PLA2G6: variants seen among roughly 807,000 people sequenced by gnomAD.
PLA2G6 encodes the protein phospholipase A2 group VI, also known as 85/88 kDa calcium-independent phospholipase A2.
PLA2G6 carries 62 observed loss-of-function variants against 83.8 expected under a neutral mutation model. That is an observed-to-expected ratio of 0.74 (90% CI 0.60 to 0.91). The LOEUF (loss-of-function observed/expected upper bound fraction) is 0.91, where lower values mean the gene tolerates loss of function less well. PLA2G6 is among the 40% of genes least tolerant of loss of function. PLA2G6 has a pLI of 0.00. For missense variants in PLA2G6, 944 were observed against 1,102.0 expected, an observed-to-expected ratio of 0.86 and a Z score of 2.03; for synonymous variants, 417 against 449.8, an observed-to-expected ratio of 0.93 and a Z score of 0.92.
chr22:38,173,209 G>GC (rs1310012380), intron 1 of PLA2G6, among the ~76,000 whole-genome samples: 1 of 151,986 alleles, frequency 6.6e-6, no homozygotes, highest in African/African-American at 2.4e-5. Flanking sequence ...GTGGATGAGG[G>GC]CCCCCCGCAT....
chr22:38,178,691 C>T (rs1284837367), intron 1 of PLA2G6, among the ~76,000 whole-genome samples: 1 of 152,142 alleles, frequency 6.6e-6, no homozygotes, highest in African/African-American at 2.4e-5. Flanking sequence ...ATAGTGAAAC[C>T]CCATCTCTAC....
intron 2 of PLA2G6, among the ~76,000 whole-genome samples, chr22:38,158,142 T>C (rs575742009): frequency 2.6e-5 from 4 of 152,058 alleles, no homozygotes; most frequent in Non-Finnish European, 4.4e-5. Context: ...TGCATCATCA[T>C]TGGGTCAAGA....
At chr22:38,171,325 T>A (rs132998) in intron 1 of PLA2G6, among the ~76,000 whole-genome samples, 1 of 152,060 alleles carries the variant, frequency 6.6e-6, no homozygotes, top group African/African-American at 2.4e-5. Context: ...AATCCAAGCT[T>A]GGTTCTCGTG....
intron 12 of PLA2G6, among the ~76,000 whole-genome samples, chr22:38,117,408 T>C (rs11570747): frequency 0.33 from 50,049 of 151,684 alleles, 8,723 homozygotes; most frequent in South Asian, 0.43. Flanking sequence ...GGGGTTTCAC[T>C]GTGGTCTTGA....
At chr22:38,134,903 C>T in intron 6 of PLA2G6, 85 bp downstream of exon 6, 1 of 936,118 alleles carries the variant, frequency 1.1e-6, no homozygotes, top group South Asian at 1.4e-5. Flanking sequence ...CCTCAGGGTC[C>T]TCTCGGGAAC....
intron 7 of PLA2G6, chr22:38,131,070 G>A (rs540014218): frequency 2.0e-5 from 3 of 152,348 alleles, no homozygotes; most frequent in African/African-American, 7.2e-5. Context: ...GGTGGTTGAT[G>A]AATATGCCAA....
intron 2 of PLA2G6, among the ~76,000 whole-genome samples, chr22:38,154,039 G>A (rs1364886327): frequency 1.3e-5 from 2 of 152,236 alleles, no homozygotes; most frequent in African/African-American, 4.8e-5. Flanking sequence ...GAGCAGGAAG[G>A]ACTTTGCCTT....
chr22:38,138,505 GCCTTCTCACTGCTTGT>G (rs1299194785), intron 5 of PLA2G6: 1 of 152,246 alleles, frequency 6.6e-6, no homozygotes, highest in African/African-American at 2.4e-5. Flanking sequence ...GCCCGTCCAT[GCCTTCTCACTGCTTGT>G]CTGGCACTGC....
intron 5 of PLA2G6, chr22:38,137,553 GC>G (rs2088633581): frequency 6.6e-6 from 1 of 152,290 alleles, no homozygotes; most frequent in Non-Finnish European, 1.5e-5. Context: ...AGCAGAGGTG[GC>G]CAGGCGCGGT....
Position 38,112,025 on chromosome 22 carries a change from T to C in PLA2G6, c.*136A>G. ...CAGGACCAGCCTCGGGCAGGCAGCTTGGCATTCTCCCAGGCCTGGTCTATG... is the reference window on the plus strand; with the variant it reads ...CAGGACCAGCCTCGGGCAGGCAGCTCGGCATTCTCCCAGGCCTGGTCTATG... On this transcript the variant is annotated 3_prime_UTR_variant, in exon 17 of 17. Coordinates refer to ENST00000332509, the MANE Select transcript of PLA2G6 (RefSeq NM_003560.4). 9.8e-7 allele frequency: 1 copy of C among 1,018,040 alleles called. No individual in the cohort carries two copies. Among genetic ancestry groups the C allele is most frequent in the South Asian group, 1.4e-5 (1 of 72,258 alleles). The allele number at this position is 1,018,040 out of a possible 1,614,324, so 63.1% of individuals were successfully genotyped here.
intron 2 of PLA2G6, chr22:38,148,430 A>G: frequency 1.4e-6 from 1 of 707,384 alleles, no homozygotes; most frequent in Non-Finnish European, 2.6e-6. Context: ...GAAATGCTGG[A>G]CAAATTATTA....
intron 7 of PLA2G6, 141 bp from the exon 8 acceptor site, chr22:38,129,703 C>T (rs1339922480): frequency 1.4e-6 from 1 of 713,682 alleles, no homozygotes; most frequent in Non-Finnish European, 2.6e-6. Flanking sequence ...CCCTCCTCAC[C>T]CCCACCCAAG....
chr22:38,116,851 C>CAAAAAAAAAAAAAAAAAAAA (rs57712042), intron 12 of PLA2G6, among the ~76,000 whole-genome samples: 14 of 37,658 alleles, frequency 3.7e-4, no homozygotes, highest in Non-Finnish European at 4.5e-4. Context: ...AACTCCGTCT[C>CAAAAAAAAAAAAAAAAAAAA]AAAAAAAAAA....
chr22:38,113,906 C>A, intron 14 of PLA2G6: 1 of 607,302 alleles, frequency 1.6e-6, no homozygotes, highest in Non-Finnish European at 3.1e-6. Context: ...CACACATACA[C>A]CAGCTGCAAG....
At chr22:38,143,549 G>T in intron 3 of PLA2G6, 1 of 579,866 alleles carries the variant, frequency 1.7e-6, no homozygotes, top group Non-Finnish European at 3.2e-6. Context: ...AGTGGGCAGG[G>T]TGGTGGCACA....
At chr22:38,172,853 C>A (rs543842782) in intron 1 of PLA2G6, among the ~76,000 whole-genome samples, 1 of 152,364 alleles carries the variant, frequency 6.6e-6, no homozygotes, top group Non-Finnish European at 1.5e-5. Flanking sequence ...CCACCAGAGC[C>A]TGGGGCTAGG....
At chr22:38,169,013 C>T (rs959804981) in intron 2 of PLA2G6, among the ~76,000 whole-genome samples, 1 of 152,156 alleles carries the variant, frequency 6.6e-6, no homozygotes, top group African/African-American at 2.4e-5. Flanking sequence ...TCCTCAGCCT[C>T]GTGCTGGGAC....
intron 2 of PLA2G6, among the ~76,000 whole-genome samples, chr22:38,160,192 C>T (rs774448893): frequency 6.6e-6 from 1 of 152,162 alleles, no homozygotes; most frequent in South Asian, 2.1e-4. Flanking sequence ...TAACATACTA[C>T]TAGACACCCG....
intron 11 of PLA2G6, among the ~76,000 whole-genome samples, chr22:38,121,678 G>C (rs1414675454): frequency 6.6e-6 from 1 of 152,202 alleles, no homozygotes; most frequent in Non-Finnish European, 1.5e-5. Context: ...GATCAGCCAG[G>C]AGACCTCTCA....
Sources: gnomAD v4.1 joint callset for allele counts (sites outside exome capture counted in the v4.1 genomes callset) on GRCh38, gnomAD v4.1.1 for gene constraint, MANE v1.5 for transcripts, NCBI Gene and HGNC (gene_info 2026-07-23, HGNC 2026-07-21) for gene names.